C11orf65: variants seen among roughly 807,000 people sequenced by gnomAD.
C11orf65 encodes the protein protein MFI.
Under a neutral mutation model 35.3 loss-of-function variants are expected in C11orf65, and 38 were observed. The observed-to-expected ratio is 1.08, with a 90% CI of 0.83 to 1.41. The LOEUF is 1.41. Among genes scored for constraint, C11orf65 ranks in the 40% most tolerant of loss-of-function variants. The pLI, the probability that C11orf65 is intolerant of heterozygous loss-of-function variation, is 0.00. For missense variants in C11orf65, 370 were observed against 367.1 expected, an observed-to-expected ratio of 1.01 and a Z score of -0.06; for synonymous variants, 105 against 114.4, an observed-to-expected ratio of 0.92 and a Z score of 0.53.
chr11:108,439,447 A>G (rs1050345679), intron 2 of C11orf65, among the ~76,000 whole-genome samples: 2 of 152,246 alleles, frequency 1.3e-5, no homozygotes, highest in African/African-American at 4.8e-5. Flanking sequence ...CAAACATTGA[A>G]TTACATAATC....
intron 2 of C11orf65, chr11:108,335,772 T>G: frequency 8.1e-7 from 1 of 1,227,106 alleles, no homozygotes. Flanking sequence ...TGCCCTTTGC[T>G]ATTCTCAGAT....
intron 6 of C11orf65, among the ~76,000 whole-genome samples, chr11:108,310,713 A>G (rs1443406894): frequency 6.6e-6 from 1 of 152,172 alleles, no homozygotes; most frequent in African/African-American, 2.4e-5. Flanking sequence ...TTCAAGATTC[A>G]TTTTGGATAT....
At chr11:108,369,770 C>T (rs1243545196) in intron 2 of C11orf65, among the ~76,000 whole-genome samples, 2 of 152,154 alleles carry the variant, frequency 1.3e-5, no homozygotes, top group Non-Finnish European at 2.9e-5. Flanking sequence ...TTTGCTGCCT[C>T]ACTTGATATT....
downstream of C11orf65, among the ~76,000 whole-genome samples, chr11:108,328,168 TC>T (rs2085872518): frequency 6.6e-6 from 1 of 152,220 alleles, no homozygotes; most frequent in African/African-American, 2.4e-5. Context: ...TCCCTCTTAT[TC>T]CTTTAGATTC....
At position 108,326,078 on chromosome 11, in the gene C11orf65, T is replaced by A. The variant is rs1225138469; in HGVS notation, c.641-17007A>T. 6.2e-7 allele frequency: 1 copy of A among 1,614,136 alleles called. No homozygotes were observed. The highest frequency in any genetic ancestry group is 8.5e-7 in the Non-Finnish European group (1 of 1,180,008). On this transcript the variant is annotated intron_variant, in intron 6 of 6. Transcript: ENST00000525729. ...TTCAGCTCCCTGAAAGGGCAATATTTCAAATTAAACAGTACAATTCAGTTA... is the reference window on the plus strand; with the variant it reads ...TTCAGCTCCCTGAAAGGGCAATATTACAAATTAAACAGTACAATTCAGTTA...
chr11:108,393,765 G>A (rs1251457063), intron 6 of C11orf65, among the ~76,000 whole-genome samples: 2 of 152,110 alleles, frequency 1.3e-5, no homozygotes, highest in African/African-American at 4.8e-5. Flanking sequence ...AAATCAAGAG[G>A]CTAATAGCAG....
chr11:108,310,609 T>G (rs1335978801), intron 6 of C11orf65, among the ~76,000 whole-genome samples: 2 of 152,140 alleles, frequency 1.3e-5, no homozygotes, highest in African/African-American at 4.8e-5. Flanking sequence ...GCCCTAGCAT[T>G]GAGAACTTAA....
intron 6 of C11orf65, chr11:108,325,235 C>T (rs1475634974): frequency 3.9e-6 from 4 of 1,024,230 alleles, no homozygotes; most frequent in Non-Finnish European, 5.8e-6. Context: ...ATCGTAAGTT[C>T]CAGAACTTAC....
At chr11:108,441,567 C>T (rs7116310) in intron 2 of C11orf65, among the ~76,000 whole-genome samples, 4 of 152,096 alleles carry the variant, frequency 2.6e-5, no homozygotes, top group African/African-American at 9.7e-5. Context: ...TGGGAGGCAC[C>T]CCCCAGTAGG....
chr11:108,455,833 A>G (rs1384692872), intron 2 of C11orf65, among the ~76,000 whole-genome samples: 1 of 147,084 alleles, frequency 6.8e-6, no homozygotes, highest in African/African-American at 2.6e-5. Context: ...AAAAAAAAAA[A>G]AAAAAAACAT....
Position 108,334,973 on chromosome 11 carries a change from A to C in C11orf65, c.299+247T>G, listed in dbSNP as rs763161651. On this transcript the variant is annotated intron_variant, in intron 3 of 3. Coordinates refer to the C11orf65 transcript ENST00000524755. ...TCATGTTTATACTTTTATTAGGTGGACCACACAGGAGAATATGGAAATCTG... is the reference window on the plus strand; with the variant it reads ...TCATGTTTATACTTTTATTAGGTGGCCCACACAGGAGAATATGGAAATCTG... 1.7e-5 allele frequency: 28 copies of C among 1,612,812 alleles called. No homozygotes were observed. The highest frequency in any genetic ancestry group is 2.2e-5 in the East Asian group (1 of 44,854).
intron 6 of C11orf65, among the ~76,000 whole-genome samples, chr11:108,402,599 G>A (rs528397480): frequency 6.6e-6 from 1 of 151,314 alleles, no homozygotes; most frequent in East Asian, 1.9e-4. Flanking sequence ...TATGGTTGAT[G>A]TACAATAAAC....
intron 2 of C11orf65, among the ~76,000 whole-genome samples, chr11:108,353,444 G>C (rs978943090): frequency 7.2e-5 from 11 of 152,082 alleles, no homozygotes; most frequent in Non-Finnish European, 1.6e-4. Flanking sequence ...ACCACACCCA[G>C]CCTAAAAATT....
intron 6 of C11orf65, chr11:108,310,357 G>A (rs371629708): frequency 1.9e-6 from 3 of 1,563,570 alleles, no homozygotes; most frequent in African/African-American, 2.7e-5. Flanking sequence ...ATTAATGTTG[G>A]CATTGTCTCA....
At chr11:108,314,918 A>G (rs559675425) in intron 6 of C11orf65, among the ~76,000 whole-genome samples, 39 of 152,338 alleles carry the variant, frequency 2.6e-4, no homozygotes, top group African/African-American at 9.1e-4. Context: ...TCTGTCTGAA[A>G]TTGTAGGCAA....
chr11:108,405,311 G>A, intron 6 of C11orf65, 118 bp downstream of exon 6: 1 of 1,002,946 alleles, frequency 1.0e-6, no homozygotes, highest in Non-Finnish European at 1.4e-6. Flanking sequence ...TTTGGGTCAG[G>A]GTCTGCGGGC....
chr11:108,354,910 C>A (rs1251233689), intron 2 of C11orf65: 1 of 1,545,168 alleles, frequency 6.5e-7, no homozygotes, highest in South Asian at 1.1e-5. Flanking sequence ...TATTTTTTTT[C>A]TTACCAGGTA....
chr11:108,391,071 G>T (rs2092148423), intron 7 of C11orf65, among the ~76,000 whole-genome samples: 2 of 150,150 alleles, frequency 1.3e-5, no homozygotes, highest in Non-Finnish European at 1.5e-5. Context: ...GCTTCCTCTG[G>T]CTTCTTTTTT....
intron 2 of C11orf65, among the ~76,000 whole-genome samples, chr11:108,455,815 CAAAAAAAA>C (rs112701513): frequency 1.8e-5 from 1 of 56,186 alleles, no homozygotes. Context: ...GACTCCACCT[CAAAAAAAA>C]AAAAAAAAAA....
Sources: allele counts gnomAD v4.1 joint callset (sites outside exome capture counted in the v4.1 genomes callset), GRCh38; gene constraint gnomAD v4.1.1; transcripts MANE v1.5; gene names NCBI Gene and HGNC (gene_info 2026-07-23, HGNC 2026-07-21).